OR9Q1: variants seen among roughly 807,000 people sequenced by gnomAD.
OR9Q1 encodes olfactory receptor 9Q1.
For synonymous variants in OR9Q1, 153 were observed against 148.6 expected (o/e 1.03, Z -0.22); for missense variants, 374 against 378.8 (o/e 0.99, Z 0.11).
intron 2 of OR9Q1, among the ~76,000 whole-genome samples, chr11:58,169,549 A>T (rs1428411506): frequency 6.6e-6 from 1 of 152,186 alleles, no homozygotes; most frequent in Non-Finnish European, 1.5e-5. Context: ...CAACAAAAAT[A>T]ACTTCTTAAA....
At chr11:58,059,102 C>T (rs912747220) in intron 2 of OR9Q1, among the ~76,000 whole-genome samples, 6 of 152,188 alleles carry the variant, frequency 3.9e-5, no homozygotes, top group Non-Finnish European at 7.3e-5. Flanking sequence ...TTGATATATG[C>T]TGTTTCCAGG....
chr11:58,032,231 A>AT (rs1187518592), intron 1 of OR9Q1, among the ~76,000 whole-genome samples: 1 of 152,178 alleles, frequency 6.6e-6, no homozygotes, highest in Non-Finnish European at 1.5e-5. Flanking sequence ...TATCAATGTC[A>AT]TTTTTCACAG....
chr11:58,160,873 C>T (rs377045242), intron 2 of OR9Q1, among the ~76,000 whole-genome samples: 9 of 152,116 alleles, frequency 5.9e-5, no homozygotes, highest in Admixed American at 2.6e-4. Flanking sequence ...TATATGACAG[C>T]GACTTCATGG....
rs1853367735 is a variant in OR9Q1 at position 58,060,298 on chromosome 11, A to G, written c.-15+4351A>G. Among the ~76,000 whole-genome samples, 3 of 152,246 alleles carry G rather than the reference A, an allele frequency of 2.0e-5. No homozygotes were observed. In the South Asian group the frequency reaches 6.2e-4, roughly 32 times the overall value. On this transcript the variant is annotated intron_variant, in intron 2 of 2. Transcript: ENST00000335397. ...TCTCCTGTCATGGGGCAGCTGAGTAAAGATTTTGACTATAATAGATGGGAA... is the reference window on the plus strand; with the variant it reads ...TCTCCTGTCATGGGGCAGCTGAGTAGAGATTTTGACTATAATAGATGGGAA...
At chr11:58,031,653 C>T (rs1327195663) in intron 1 of OR9Q1, 16 of 1,613,776 alleles carry the variant, frequency 9.9e-6, no homozygotes, top group Non-Finnish European at 1.4e-5. Flanking sequence ...CACATCCGCT[C>T]AGCTGCTGAG....
intron 2 of OR9Q1, among the ~76,000 whole-genome samples, chr11:58,149,676 T>G (rs1465681262): frequency 6.6e-6 from 1 of 152,198 alleles, no homozygotes; most frequent in Non-Finnish European, 1.5e-5. Flanking sequence ...ATGGATTTGC[T>G]TCTTCTAAGT....
At chr11:58,176,474 C>T (rs1854608085) in intron 2 of OR9Q1, among the ~76,000 whole-genome samples, 1 of 152,126 alleles carries the variant, frequency 6.6e-6, no homozygotes, top group Non-Finnish European at 1.5e-5. Flanking sequence ...GTGTCTTCTC[C>T]AAAGAGATTT....
intron 2 of OR9Q1, among the ~76,000 whole-genome samples, chr11:58,085,466 A>C (rs1853625569): frequency 6.6e-6 from 1 of 151,794 alleles, no homozygotes; most frequent in African/African-American, 2.4e-5. Context: ...ATCATATTTT[A>C]AGTTGTAGCC....
intron 1 of OR9Q1, chr11:58,026,857 G>C (rs1274642764): frequency 6.6e-6 from 1 of 152,060 alleles, no homozygotes; most frequent in Non-Finnish European, 1.5e-5. Context: ...ATATACACTA[G>C]AGAAAGAAGT....
intron 2 of OR9Q1, among the ~76,000 whole-genome samples, chr11:58,086,941 G>A (rs1853639389): frequency 6.6e-6 from 1 of 151,678 alleles, no homozygotes; most frequent in South Asian, 2.1e-4. Context: ...GCACAGAATG[G>A]TGACTATAAT....
At chr11:58,071,702 T>G (rs1011684520) in intron 2 of OR9Q1, among the ~76,000 whole-genome samples, 1 of 152,148 alleles carries the variant, frequency 6.6e-6, no homozygotes, top group African/African-American at 2.4e-5. Context: ...ATGAGTGGTG[T>G]TATGGTCTGA....
intron 1 of OR9Q1, chr11:58,031,423 C>T: frequency 1.9e-6 from 3 of 1,614,158 alleles, no homozygotes; most frequent in Non-Finnish European, 2.5e-6. Context: ...TGGTAGGTTT[C>T]CTCACACCCA....
chr11:58,027,762 C>G (rs958526037), intron 1 of OR9Q1, among the ~76,000 whole-genome samples: 2 of 152,200 alleles, frequency 1.3e-5, no homozygotes, highest in African/African-American at 4.8e-5. Context: ...TCGGCTGTCC[C>G]TCTCTCCTTC....
chr11:58,143,542 T>C (rs915377274), intron 2 of OR9Q1, among the ~76,000 whole-genome samples: 4 of 152,240 alleles, frequency 2.6e-5, no homozygotes, highest in African/African-American at 9.6e-5. Context: ...ACTTTACTTC[T>C]TTTGCCCTCA....
intron 2 of OR9Q1, among the ~76,000 whole-genome samples, chr11:58,168,603 C>T (rs1854527228): frequency 6.6e-6 from 1 of 151,484 alleles, no homozygotes; most frequent in Non-Finnish European, 1.5e-5. Flanking sequence ...TTTTTTTTTT[C>T]CAATGCCTCT....
chr11:58,129,196 G>A (rs898839573), intron 2 of OR9Q1, among the ~76,000 whole-genome samples: 1 of 151,500 alleles, frequency 6.6e-6, no homozygotes, highest in Non-Finnish European at 1.5e-5. Context: ...TTGCCACAAC[G>A]TCCGATTAAA....
chr11:58,078,212 C>T (rs1310350756), intron 2 of OR9Q1: 1 of 152,222 alleles, frequency 6.6e-6, no homozygotes, highest in African/African-American at 2.4e-5. Flanking sequence ...AAAAAAAACC[C>T]CAACATGTCT....
At chr11:58,174,717 T>C (rs1053483139) in intron 2 of OR9Q1, among the ~76,000 whole-genome samples, 4 of 150,612 alleles carry the variant, frequency 2.7e-5, no homozygotes, top group African/African-American at 9.8e-5. Context: ...TTAGAGAAAA[T>C]TTTTCCCTTT....
chr11:58,118,329 A>G, intron 2 of OR9Q1: 1 of 562,578 alleles, frequency 1.8e-6, no homozygotes, highest in Non-Finnish European at 3.1e-6. Flanking sequence ...AAGAACATGG[A>G]ATTGCTGGAA....
Sources: gnomAD v4.1 joint callset for allele counts (sites outside exome capture counted in the v4.1 genomes callset) on GRCh38, gnomAD v4.1.1 for gene constraint, MANE v1.5 for transcripts, NCBI Gene and HGNC (gene_info 2026-07-23, HGNC 2026-07-21) for gene names.